MYOM1: variants seen among roughly 807,000 people sequenced by gnomAD.
MYOM1 encodes the protein myomesin-1.
A neutral mutation model predicts 205.3 loss-of-function variants in MYOM1; 164 were observed. The ratio of observed to expected loss-of-function variants is 0.80; its 90% CI spans 0.70 to 0.91. The LOEUF is 0.91. Ranked by LOEUF, MYOM1 falls within the 40% of genes least tolerant of loss-of-function variation. MYOM1 has a pLI of 0.00. For missense variants in MYOM1, 2,011 were observed against 2,127.3 expected, an observed-to-expected ratio of 0.95 and a Z score of 1.08; for synonymous variants, 772 against 789.4, an observed-to-expected ratio of 0.98 and a Z score of 0.37.
At chr18:3,199,214 T>C (rs531399051) in intron 2 of MYOM1, among the ~76,000 whole-genome samples, 59 of 152,088 alleles carry the variant, frequency 3.9e-4, no homozygotes, top group Non-Finnish European at 6.9e-4. Context: ...GGGAACAATG[T>C]GATAAAACCC....
intron 2 of MYOM1, among the ~76,000 whole-genome samples, chr18:3,207,794 C>T (rs1386904278): frequency 6.6e-6 from 1 of 152,200 alleles, no homozygotes; most frequent in Non-Finnish European, 1.5e-5. Context: ...CTGGCTGACT[C>T]ATTCTACTCT....
chr18:3,169,072 C>CAAAAA (rs59171311), intron 8 of MYOM1, 91 bp from the exon 9 acceptor site: 173,086 of 865,040 alleles, frequency 0.2, 5,023 homozygotes, highest in East Asian at 0.29. Flanking sequence ...GCAGTCACAG[C>CAAAAA]AAAAAAAAAA....
rs1454023048 is a variant in MYOM1 at position 3,090,802 on chromosome 18, T to A, written c.3865A>T (p.Lys1289Ter). 6.2e-7 allele frequency: 1 copy of A among 1,613,856 alleles called. No homozygotes were observed. The highest frequency in any genetic ancestry group is 8.5e-7 in the Non-Finnish European group (1 of 1,179,812). The stretch of plus-strand genomic sequence containing the variant: ...TTTCGGTCAATATGCATTTTATATT[T>A]CTTCAGTGTGAAAAGAAAATGACAG... ...FNEKEIFEGPKYKMHIDRNTG... is the reference protein window; with the variant it reads ...FNEKEIFEGP The change falls in exon 27 of 38, where the codon AAA becomes TAA. Residue 1289 changes from lysine to a stop codon, truncating the protein, a stop_gained and splice_region_variant. Transcript: ENST00000356443. LOFTEE classifies it high-confidence loss of function.
In MYOM1 at chr18:3,155,059, C is replaced by A. The variant is rs1200340975; in HGVS notation, c.1531G>T (p.Ala511Ser). 6.2e-7 allele frequency: 1 copy of A among 1,613,020 alleles called. No individual in the cohort carries two copies. The highest frequency in any genetic ancestry group is 8.5e-7 in the Non-Finnish European group (1 of 1,179,466). ...AAGCACTTCACATCCAAGGGAGCAG[C>A]TGGGGCTCCTTCAATCTCTGCATCA... ...DADAEIEGAP[A>S]APLDVKCLEA... is the part of the protein sequence containing the mutation. Residue 511 changes from alanine (A) to serine (S), a missense_variant, in exon 11 of 38, where the codon GCT (alanine) becomes TCT (serine). By Grantham distance (99) the Ala-to-Ser change is moderately conservative. Transcript: ENST00000356443.
intron 8 of MYOM1, among the ~76,000 whole-genome samples, chr18:3,170,054 C>T (rs150543443): frequency 1.3e-5 from 2 of 152,212 alleles, no homozygotes; most frequent in South Asian, 2.1e-4. Context: ...ACAGAAGAAC[C>T]GATATCATGT....
At chr18:3,168,463 AT>A in intron 9 of MYOM1, among the ~76,000 whole-genome samples, 1 of 152,012 alleles carries the variant, frequency 6.6e-6, no homozygotes, top group Admixed American at 6.6e-5. Context: ...TAATTTTCGT[AT>A]TTTTAGTAGA....
chr18:3,157,390 G>A (rs2080316043), intron 10 of MYOM1, among the ~76,000 whole-genome samples: 1 of 152,008 alleles, frequency 6.6e-6, no homozygotes, highest in African/African-American at 2.4e-5. Flanking sequence ...AACTGCAAAA[G>A]TTAAAAAATA....
At position 3,068,351 on chromosome 18, in the gene MYOM1, T is replaced by G. The variant is rs181531389; in HGVS notation, c.4765-796A>C. Among the ~76,000 whole-genome samples the G allele has an allele frequency of 9.2e-5, 14 of 152,184 alleles. No individual in the cohort carries two copies. The East Asian group carries it at 2.7e-3, about 29-fold the overall frequency. ...TCCCAGTGGTAACATTTTACAAAAC[T>G]ATAGTAGAATGTCATAACCAGTATA... On this transcript the variant is annotated intron_variant, in intron 37 of 37. Transcript: ENST00000356443.
Position 3,135,467 on chromosome 18 carries a change from T to C in MYOM1, c.2209+80A>G. On this transcript the variant is annotated intron_variant, in intron 15 of 37. Coordinates refer to ENST00000356443, the MANE Select transcript of MYOM1 (RefSeq NM_003803.4). This position sits in a 1 kb window ranked among gnomAD's most constrained non-coding sequence, Gnocchi z 4.1. Reference sequence around the variant, plus strand: ...TATGAAAGAAGGATGTCACCATTTTTACTCCTGGCCAAATATACATATACT... The same window carrying C: ...TATGAAAGAAGGATGTCACCATTTTCACTCCTGGCCAAATATACATATACT... 1 of 1,305,214 alleles carries C rather than the reference T, an allele frequency of 7.7e-7. No individual in the cohort carries two copies. 80.9% of individuals were successfully genotyped at this position (1,305,214 alleles called of 1,614,324 possible). A position where few individuals can be genotyped will look rare whatever the true frequency, so the allele number is the denominator to read the frequency against.
In MYOM1 at chr18:3,188,666, T is replaced by TACAC. The variant is rs144550875; in HGVS notation, c.771+78_771+81dup. 606 of 1,114,062 alleles carry TACAC rather than the reference T, an allele frequency of 5.4e-4. 1 individual carries two copies. The highest frequency in any genetic ancestry group is 2.1e-3 in the East Asian group (78 of 36,994). 69.0% of individuals were successfully genotyped at this position (1,114,062 alleles called of 1,614,324 possible). A position where few individuals can be genotyped will look rare whatever the true frequency, so the allele number is the denominator to read the frequency against. ...AAAAAGAAACAAATCAATCTATATC[T>TACAC]ACACACACACACACACACACACACA... On this transcript the variant is annotated intron_variant, in intron 4 of 37. Coordinates refer to ENST00000356443, the MANE Select transcript of MYOM1 (RefSeq NM_003803.4).
rs1407702884 is a variant in MYOM1 at position 3,209,213 on chromosome 18, C to T, written c.290+5721G>A. On this transcript the variant is annotated intron_variant, in intron 2 of 37. Coordinates refer to ENST00000356443, the MANE Select transcript of MYOM1 (RefSeq NM_003803.4). The surrounding 1 kb of genome is among the most constrained non-coding windows in gnomAD (Gnocchi z 4.0). The stretch of plus-strand genomic sequence containing the variant: ...AGAGTCTCAGAAGATTCATTGTATG[C>T]GCAAAATCTCCACAGACCATTTCAC... 2.6e-5 allele frequency among the ~76,000 whole-genome samples: 4 copies of T among 152,152 alleles called. No homozygotes were observed. Among genetic ancestry groups the T allele is most frequent in the South Asian group, 2.1e-4 (1 of 4,824 alleles).
At chr18:3,191,877 T>C (rs887961918) in intron 3 of MYOM1, among the ~76,000 whole-genome samples, 3 of 151,998 alleles carry the variant, frequency 2.0e-5, no homozygotes, top group Non-Finnish European at 4.4e-5. Context: ...TTTGTATTTT[T>C]AGTAGAGACC....
chr18:3,137,481 A>C (rs1012805211), intron 14 of MYOM1, among the ~76,000 whole-genome samples: 3 of 152,216 alleles, frequency 2.0e-5, no homozygotes, highest in Non-Finnish European at 4.4e-5. Flanking sequence ...ATGTAATGTT[A>C]TTCAGCCACA....
chr18:3,195,356 T>C (rs1175837153), intron 2 of MYOM1, among the ~76,000 whole-genome samples: 1 of 152,196 alleles, frequency 6.6e-6, no homozygotes, highest in East Asian at 1.9e-4. Flanking sequence ...AGCTTGTGGA[T>C]TGGTTACAAA....
At position 3,214,996 on chromosome 18, in the gene MYOM1, G is replaced by T. The variant is rs370866662; in HGVS notation, c.228C>A (p.His76Gln). Residue 76 changes from histidine (H) to glutamine (Q), a missense_variant, in exon 2 of 38, where the codon CAC becomes CAA. Coordinates refer to ENST00000356443, the MANE Select transcript of MYOM1 (RefSeq NM_003803.4). ...ASSSQQQASQ[H>Q]ALSSEVSRKA... ...TCCGACTGACTTCAGAGCTCAGGGC[G>T]TGCTGCGAGGCCTGCTGCTGGGAGG... 8 of 1,611,608 alleles carry T rather than the reference G, an allele frequency of 5.0e-6. No individual in the cohort carries two copies. The highest frequency in any genetic ancestry group is 5.9e-6 in the Non-Finnish European group (7 of 1,178,848).
rs771947024 is a variant in MYOM1 at position 3,100,358 on chromosome 18, G to A, written c.3644C>T (p.Thr1215Ile). 2 of 1,613,832 alleles carry A rather than the reference G, an allele frequency of 1.2e-6. No individual in the cohort carries two copies. Among genetic ancestry groups the A allele is most frequent in the Non-Finnish European group, 1.7e-6 (2 of 1,179,862 alleles). The stretch of plus-strand genomic sequence containing the variant: ...TAAGTAGCTTGATGCTATTCCATCA[G>A]TGTCTGTTACATCGCAAGAGTAAAT... ...LGIYSCDVTD[T>I]DGIASSYLID... Residue 1215 changes from threonine to isoleucine, a missense_variant, in exon 24 of 38, where the codon ACT becomes ATT. Coordinates refer to ENST00000356443, the MANE Select transcript of MYOM1 (RefSeq NM_003803.4).
In MYOM1 at chr18:3,067,501, A is replaced by G. The variant is rs2143602710; in HGVS notation, c.4819T>C (p.Leu1607=). The change falls in exon 38 of 38, where the codon TTG becomes CTG. Residue 1607 remains leucine, a synonymous_variant. Coordinates refer to ENST00000356443, the MANE Select transcript of MYOM1 (RefSeq NM_003803.4). ...WGDPPPEVSW[L]KNEKALASDD... ...GAGGCCAGGGCCTTCTCGTTCTTCA[A>G]CCACGACACCTCCGGAGGCGGGTCT... 1 of 1,613,826 alleles carries G rather than the reference A, an allele frequency of 6.2e-7. No individual in the cohort carries two copies. Among genetic ancestry groups the G allele is most frequent in the Non-Finnish European group, 8.5e-7 (1 of 1,179,888 alleles).
chr18:3,193,445 G>A lies in MYOM1; in HGVS notation c.431+373C>T, dbSNP rs1490546761. Among the ~76,000 whole-genome samples, 4 of 151,076 alleles carry A rather than the reference G, an allele frequency of 2.6e-5. No individual in the cohort carries two copies. In the East Asian group the frequency reaches 5.8e-4, roughly 22 times the overall value. ...GCTTTCTTTTTACTCTGGCTGTCCT[G>A]TCCAATCACAAGCATCCCAGGATCC... On this transcript the variant is annotated intron_variant, in intron 3 of 37. Coordinates refer to ENST00000356443, the MANE Select transcript of MYOM1 (RefSeq NM_003803.4).
At chr18:3,122,623 C>T (rs1459181343) in intron 19 of MYOM1, among the ~76,000 whole-genome samples, 1 of 152,030 alleles carries the variant, frequency 6.6e-6, no homozygotes, top group Non-Finnish European at 1.5e-5. Flanking sequence ...CACTCATGAA[C>T]ATAGAAGCAA....
Sources: allele counts gnomAD v4.1 joint callset (sites outside exome capture counted in the v4.1 genomes callset), GRCh38; gene constraint gnomAD v4.1.1; non-coding constraint Gnocchi (gnomAD v3.1); transcripts MANE v1.5; gene names NCBI Gene and HGNC (gene_info 2026-07-23, HGNC 2026-07-21).